MSI2: variants seen among roughly 807,000 people sequenced by gnomAD.
MSI2 encodes the protein RNA-binding protein Musashi homolog 2.
A neutral mutation model predicts 45.6 loss-of-function variants in MSI2; 17 were observed. That is an observed-to-expected ratio of 0.37 (90% CI 0.26 to 0.56). The LOEUF (loss-of-function observed/expected upper bound fraction) is 0.56. Among genes scored for constraint, MSI2 ranks in the 20% least tolerant of loss-of-function variants. MSI2 has a pLI of 0.77. For synonymous variants in MSI2, 156 were observed against 158.2 expected (o/e 0.99, Z 0.11); for missense variants, 293 against 444.2 (o/e 0.66, Z 3.06).
chr17:57,447,346 C>T (rs1248318754), intron 6 of MSI2, among the ~76,000 whole-genome samples: 1 of 152,210 alleles, frequency 6.6e-6, no homozygotes, highest in Non-Finnish European at 1.5e-5. Flanking sequence ...TCAAGAAATC[C>T]TCCTGCCTCA....
intron 5 of MSI2, among the ~76,000 whole-genome samples, chr17:57,329,076 A>C (rs114407130): frequency 6.6e-6 from 1 of 152,160 alleles, no homozygotes; most frequent in Non-Finnish European, 1.5e-5. Context: ...AGGGGAGTGG[A>C]GACTCTAGCT....
At chr17:57,306,505 TC>T (rs1911913123) in intron 5 of MSI2, among the ~76,000 whole-genome samples, 2 of 152,104 alleles carry the variant, frequency 1.3e-5, no homozygotes, top group Non-Finnish European at 2.9e-5. Flanking sequence ...ATTCTGGAGT[TC>T]CCATCAGGGT....
chr17:57,336,751 C>T lies in MSI2; in HGVS notation c.313-64628C>T, dbSNP rs372212911. ...ATAGGCATTATATATTGAGCTCTTG[C>T]GTGCGAGGAACTAAAATGTGTGTTA... On this transcript the variant is annotated intron_variant, in intron 5 of 13. Transcript: ENST00000284073. Among the ~76,000 whole-genome samples, 402 of 152,222 alleles carry T rather than the reference C, an allele frequency of 2.6e-3. 3 individuals are homozygous for T. The South Asian group carries it at 0.03, about 11-fold the overall frequency.
chr17:57,554,917 C>A (rs2087396438), intron 7 of MSI2, among the ~76,000 whole-genome samples: 1 of 152,254 alleles, frequency 6.6e-6, no homozygotes. Flanking sequence ...CGCCTGCAGC[C>A]CCTGCTGGGA....
At chr17:57,535,523 T>C (rs1170978730) in intron 7 of MSI2, among the ~76,000 whole-genome samples, 1 of 152,168 alleles carries the variant, frequency 6.6e-6, no homozygotes, top group African/African-American at 2.4e-5. Context: ...TAAAGATTAG[T>C]GTGATGGATG....
At chr17:57,263,750 G>GCATT (rs1330647630) in intron 5 of MSI2, 2 of 152,204 alleles carry the variant, frequency 1.3e-5, no homozygotes, top group Non-Finnish European at 2.9e-5. Flanking sequence ...CTGCAGTGAT[G>GCATT]CATTCAACTT....
In MSI2 at chr17:57,507,175, TGG is replaced by T. The variant is rs71140000; in HGVS notation, c.406-22490_406-22489del. ...AATCTATCTGTTTCTCTGTGTGTGTTGGGGGGGGGGGGTGTAAATCTCTTCCC... is the reference window on the plus strand; with the variant it reads ...AATCTATCTGTTTCTCTGTGTGTGTTGGGGGGGGGGTGTAAATCTCTTCCC... On this transcript the variant is annotated intron_variant, in intron 6 of 13. Coordinates refer to ENST00000284073, the MANE Select transcript of MSI2 (RefSeq NM_138962.4). 1.0e-3 allele frequency among the ~76,000 whole-genome samples: 138 copies of T among 135,758 alleles called. 9 individuals are homozygous for T. Among genetic ancestry groups the T allele is most frequent in the African/African-American group, 1.8e-3 (61 of 33,056 alleles). 89.1% of individuals were successfully genotyped at this position (135,758 alleles called of 152,430 possible).
At chr17:57,487,199 A>T (rs1425096805) in intron 6 of MSI2, among the ~76,000 whole-genome samples, 3 of 152,208 alleles carry the variant, frequency 2.0e-5, no homozygotes, top group African/African-American at 7.2e-5. Context: ...CTGTGGGGCC[A>T]GCTCATGAGA....
intron 5 of MSI2, among the ~76,000 whole-genome samples, chr17:57,312,694 C>T (rs1262902355): frequency 6.6e-6 from 1 of 152,116 alleles, no homozygotes; most frequent in Non-Finnish European, 1.5e-5. Context: ...TAACTTGACT[C>T]CCTCCTCTCT....
intron 5 of MSI2, among the ~76,000 whole-genome samples, chr17:57,288,971 G>A (rs1216705997): frequency 6.6e-6 from 1 of 152,062 alleles, no homozygotes; most frequent in African/African-American, 2.4e-5. Flanking sequence ...GTCTCCTGGG[G>A]GACACAGTCA....
intron 5 of MSI2, among the ~76,000 whole-genome samples, chr17:57,373,641 C>T (rs974974746): frequency 6.6e-6 from 1 of 152,234 alleles, no homozygotes; most frequent in African/African-American, 2.4e-5. Flanking sequence ...CAAATACCTA[C>T]TGTCTCTTCT....
In MSI2 at chr17:57,453,786, G is replaced by A. The variant is rs559850346; in HGVS notation, c.405+52315G>A. Among the ~76,000 whole-genome samples the A allele has an allele frequency of 3.9e-5, 6 of 152,278 alleles. No homozygotes were observed. In the South Asian group the frequency reaches 1.2e-3, roughly 32 times the overall value. ...AATTTGCAACCTCCGGCATAAATGGGTTAATTCTCAACACCATCCTCAGGA... is the reference window on the plus strand; with the variant it reads ...AATTTGCAACCTCCGGCATAAATGGATTAATTCTCAACACCATCCTCAGGA... On this transcript the variant is annotated intron_variant, in intron 6 of 13. Coordinates refer to ENST00000284073, the MANE Select transcript of MSI2 (RefSeq NM_138962.4).
chr17:57,480,689 C>T (rs992020770), intron 6 of MSI2, among the ~76,000 whole-genome samples: 49 of 152,300 alleles, frequency 3.2e-4, no homozygotes, highest in Non-Finnish European at 5.0e-4. Flanking sequence ...AGAGATTTAG[C>T]TCAAAAATCC....
chr17:57,465,769 G>C (rs1045384025), intron 6 of MSI2, among the ~76,000 whole-genome samples: 1 of 152,084 alleles, frequency 6.6e-6, no homozygotes, highest in Middle Eastern at 3.2e-3. Flanking sequence ...GGTGGGATTG[G>C]AACAGCCCAG....
chr17:57,337,950 A>G (rs75101197), intron 5 of MSI2, among the ~76,000 whole-genome samples: 8,845 of 152,308 alleles, frequency 0.058, 375 homozygotes, highest in Non-Finnish European at 0.086. Context: ...AGTACTTAGT[A>G]ATAATTTTCA....
At chr17:57,646,479 T>G (rs1910668921) in intron 10 of MSI2, among the ~76,000 whole-genome samples, 1 of 152,180 alleles carries the variant, frequency 6.6e-6, no homozygotes, top group Admixed American at 6.5e-5. Context: ...GACTTGGGTT[T>G]ATCATCCTCC....
rs1470337875 is a variant in MSI2, at chr17:57,684,016, G to A, written c.*4499G>A. ...CATCCCTCTTGTCGGGGACCTGCAG[G>A]GGGGCAACCTTAATCCAAACACCTG... On this transcript the variant is annotated 3_prime_UTR_variant, in exon 14 of 14. Transcript: ENST00000284073. 4.4e-6 allele frequency: 1 copy of A among 228,398 alleles called. No individual in the cohort carries two copies. Among genetic ancestry groups the A allele is most frequent in the East Asian group, 6.2e-5 (1 of 16,078 alleles). 14.1% of individuals were successfully genotyped at this position (228,398 alleles called of 1,614,324 possible).
chr17:57,402,426 A>T (rs1003410780), intron 6 of MSI2, among the ~76,000 whole-genome samples: 4 of 152,202 alleles, frequency 2.6e-5, no homozygotes, highest in Non-Finnish European at 5.9e-5. Context: ...AAGGGCTGAC[A>T]TGGGAGAGAG....
intron 11 of MSI2, among the ~76,000 whole-genome samples, chr17:57,668,828 G>T (rs1448310593): frequency 6.6e-6 from 1 of 152,066 alleles, no homozygotes; most frequent in Non-Finnish European, 1.5e-5. Flanking sequence ...TTCTGAAATA[G>T]CCTGAATTTC....
Sources: gnomAD v4.1 joint callset for allele counts (sites outside exome capture counted in the v4.1 genomes callset) on GRCh38, gnomAD v4.1.1 for gene constraint, MANE v1.5 for transcripts, NCBI Gene and HGNC (gene_info 2026-07-23, HGNC 2026-07-21) for gene names.